The following RTN4RL1 variants were observed in gnomAD, a reference collection of about 807,000 sequenced individuals.
RTN4RL1 encodes reticulon 4 receptor like 1.
RTN4RL1 carries 7 observed loss-of-function variants against 25.6 expected under a neutral mutation model. That is an observed-to-expected ratio of 0.27 (90% CI 0.16 to 0.51). The LOEUF is 0.51. Among genes scored for constraint, RTN4RL1 ranks in the 20% least tolerant of loss-of-function variants. RTN4RL1 has a pLI of 0.97. For synonymous variants in RTN4RL1, 297 were observed against 288.2 expected, an observed-to-expected ratio of 1.03 and a Z score of -0.31; for missense variants, 500 against 615.6, an observed-to-expected ratio of 0.81 and a Z score of 1.99.
At chr17:2,012,207 C>T (rs922791642) in intron 1 of RTN4RL1, among the ~76,000 whole-genome samples, 1 of 152,222 alleles carries the variant, frequency 6.6e-6, no homozygotes, top group East Asian at 1.9e-4. Flanking sequence ...TTGTTCCAAA[C>T]ACATCTGCCA....
At chr17:2,005,533 T>C (rs7217584) in intron 1 of RTN4RL1, among the ~76,000 whole-genome samples, 128,935 of 152,194 alleles carry the variant, frequency 0.85, 55,027 homozygotes, top group African/African-American at 0.95. Flanking sequence ...AGGAGGAAGC[T>C]TCCATTGAGA....
intron 1 of RTN4RL1, among the ~76,000 whole-genome samples, chr17:1,953,458 T>C (rs566502931): frequency 1.3e-5 from 2 of 152,220 alleles, no homozygotes; most frequent in Admixed American, 1.3e-4. Flanking sequence ...ATGTAAATGA[T>C]GAGTTAATGG....
chr17:1,974,344 T>C (rs972897246), intron 1 of RTN4RL1, among the ~76,000 whole-genome samples: 4 of 152,014 alleles, frequency 2.6e-5, no homozygotes, highest in Non-Finnish European at 5.9e-5. Flanking sequence ...TGAGCTGAGA[T>C]TGTGTCATTG....
At chr17:1,970,527 A>C (rs971976436) in intron 1 of RTN4RL1, among the ~76,000 whole-genome samples, 3 of 152,166 alleles carry the variant, frequency 2.0e-5, no homozygotes, top group African/African-American at 7.2e-5. Context: ...CCACGTGGGA[A>C]GGGGCCCTCG....
In RTN4RL1 at chr17:1,937,036, G is replaced by A. The variant is rs764299614; in HGVS notation, c.786C>T (p.Arg262=). 34 of 1,604,418 alleles carry A rather than the reference G, an allele frequency of 2.1e-5. No homozygotes were observed. Among genetic ancestry groups the A allele is most frequent in the Middle Eastern group, 1.7e-4 (1 of 6,034 alleles). Residue 262 remains arginine, a synonymous_variant, in exon 2 of 2, where the codon CGC becomes CGT. Coordinates refer to ENST00000331238, the MANE Select transcript of RTN4RL1 (RefSeq NM_178568.4). ...LNGNPWDCGC[R]ARSLWEWLQR... ...GCAGCCATTCCCACAGGGAGCGCGCGCGACAACCACAGTCCCAGGGGTTGC... is the reference window on the plus strand; with the variant it reads ...GCAGCCATTCCCACAGGGAGCGCGCACGACAACCACAGTCCCAGGGGTTGC...
At chr17:2,024,502 C>T (rs2151333701) in intron 1 of RTN4RL1, among the ~76,000 whole-genome samples, 1 of 152,170 alleles carries the variant, frequency 6.6e-6, no homozygotes, top group Non-Finnish European at 1.5e-5. Context: ...CGTGTGCCCG[C>T]GCAGGGAATG....
chr17:1,970,641 A>T (rs566812438), intron 1 of RTN4RL1, among the ~76,000 whole-genome samples: 2 of 152,138 alleles, frequency 1.3e-5, no homozygotes, highest in African/African-American at 4.8e-5. Flanking sequence ...TGCCCTCGGC[A>T]TCTAGCAGGG....
At chr17:1,947,577 G>A (rs533676099) in intron 1 of RTN4RL1, among the ~76,000 whole-genome samples, 42 of 152,338 alleles carry the variant, frequency 2.8e-4, no homozygotes, top group Middle Eastern at 3.4e-3. Context: ...AGAAGTGGGC[G>A]GCCCCTTATT....
intron 1 of RTN4RL1, among the ~76,000 whole-genome samples, chr17:1,974,158 C>T (rs2066832712): frequency 1.3e-5 from 2 of 151,628 alleles, no homozygotes; most frequent in South Asian, 2.1e-4. Context: ...GGCAACAGGG[C>T]GAAACTCCAT....
chr17:1,980,172 T>G (rs1306187149), intron 1 of RTN4RL1, among the ~76,000 whole-genome samples: 1 of 147,320 alleles, frequency 6.8e-6, no homozygotes, highest in African/African-American at 2.6e-5. Context: ...CAGGTGATCC[T>G]CCCACCTCAG....
intron 1 of RTN4RL1, among the ~76,000 whole-genome samples, chr17:1,965,162 T>G (rs1460630654): frequency 6.7e-6 from 1 of 149,254 alleles, no homozygotes; most frequent in African/African-American, 2.5e-5. Context: ...CAAGCTGGAG[T>G]GCAATGGCGC....
chr17:2,015,176 G>A (rs1036235426), intron 1 of RTN4RL1, among the ~76,000 whole-genome samples: 5 of 152,216 alleles, frequency 3.3e-5, no homozygotes, highest in Middle Eastern at 3.2e-3. Flanking sequence ...CATCATGGGA[G>A]AAGGGCAGGG....
chr17:1,959,713 C>T (rs534245413), intron 1 of RTN4RL1, among the ~76,000 whole-genome samples: 32 of 152,210 alleles, frequency 2.1e-4, no homozygotes, highest in Non-Finnish European at 3.8e-4. Flanking sequence ...TACAGGCACC[C>T]GCCACCACGC....
chr17:1,953,633 C>T (rs1915729597), intron 1 of RTN4RL1, among the ~76,000 whole-genome samples: 1 of 152,006 alleles, frequency 6.6e-6, no homozygotes, highest in Non-Finnish European at 1.5e-5. Context: ...GGCGTGATCT[C>T]GGCTCACTGC....
intron 1 of RTN4RL1, among the ~76,000 whole-genome samples, chr17:2,008,785 C>G (rs2067020947): frequency 6.6e-6 from 1 of 152,072 alleles, no homozygotes; most frequent in African/African-American, 2.4e-5. Context: ...TCCTGTCAAG[C>G]CTCTCTTCCT....
At chr17:1,951,817 G>A (rs760146655) in intron 1 of RTN4RL1, among the ~76,000 whole-genome samples, 6 of 152,234 alleles carry the variant, frequency 3.9e-5, no homozygotes, top group Non-Finnish European at 8.8e-5. Flanking sequence ...GAAGACTAAC[G>A]TGAGGACAGA....
chr17:1,974,214 T>C (rs1448530569), intron 1 of RTN4RL1, among the ~76,000 whole-genome samples: 1 of 152,002 alleles, frequency 6.6e-6, no homozygotes, highest in South Asian at 2.1e-4. Flanking sequence ...GTGGCCTGTG[T>C]CTGTAGTCCC....
chr17:1,935,999 CTG>C lies in RTN4RL1; in HGVS notation c.*495_*496del. On this transcript the variant is annotated 3_prime_UTR_variant, in exon 2 of 2. Transcript: ENST00000331238. ...TAGGATAGAATTCAGGGCAGGGTGA[CTG>C]GCCTCAGGCAAGAGCCAAGATGCCA... is the stretch of plus-strand genomic sequence containing the variant. 1 of 987,538 alleles carries C rather than the reference CTG, an allele frequency of 1.0e-6. No homozygotes were observed. Among genetic ancestry groups the C allele is most frequent in the South Asian group, 4.7e-5 (1 of 21,332 alleles). 61.2% of individuals were successfully genotyped at this position (987,538 alleles called of 1,614,324 possible). A position where few individuals can be genotyped will look rare whatever the true frequency, so the allele number is the denominator to read the frequency against.
intron 1 of RTN4RL1, among the ~76,000 whole-genome samples, chr17:2,016,352 G>A (rs1567530451): frequency 1.3e-5 from 2 of 152,156 alleles, no homozygotes; most frequent in African/African-American, 4.8e-5. Flanking sequence ...CTGCACTCCA[G>A]CCTGGGTGAC....
Sources: allele counts gnomAD v4.1 joint callset (sites outside exome capture counted in the v4.1 genomes callset), GRCh38; gene constraint gnomAD v4.1.1; transcripts MANE v1.5; gene names NCBI Gene and HGNC (gene_info 2026-07-23, HGNC 2026-07-21).